PRPF31: variants seen among roughly 807,000 people sequenced by gnomAD.
The protein encoded by PRPF31 is pre-mRNA processing factor 31.
In PRPF31, 12 loss-of-function variants were observed where a neutral mutation model predicts 60.4. The observed-to-expected ratio is 0.20, with a 90% CI of 0.13 to 0.32. The LOEUF (loss-of-function observed/expected upper bound fraction) is 0.32. Among genes scored for constraint, PRPF31 ranks in the 10% least tolerant of loss-of-function variants. PRPF31 has a pLI of 1.00. For synonymous variants in PRPF31, 287 were observed against 287.9 expected (o/e 1.00, Z 0.03); for missense variants, 431 against 687.1 (o/e 0.63, Z 4.17).
chr19:54,127,382 C>G (rs254271), intron 9 of PRPF31, among the ~76,000 whole-genome samples: 103,169 of 151,984 alleles, frequency 0.68, 35,358 homozygotes, highest in African/African-American at 0.77. Flanking sequence ...TTCATATCTC[C>G]GCCTCTGTTT....
chr19:54,122,997 A>C (rs983212634), intron 5 of PRPF31: 41 of 448,462 alleles, frequency 9.1e-5, no homozygotes, highest in African/African-American at 8.2e-4. Flanking sequence ...AGGTCGGATC[A>C]CGTCCAGCCT....
At chr19:54,116,694 G>C (rs1452172371) in intron 1 of PRPF31, among the ~76,000 whole-genome samples, 3 of 152,232 alleles carry the variant, frequency 2.0e-5, no homozygotes, top group Admixed American at 1.3e-4. Flanking sequence ...CACGCAGAGC[G>C]TGCGGGACAC....
intron 1 of PRPF31, among the ~76,000 whole-genome samples, chr19:54,117,208 A>C (rs2073667572): frequency 6.6e-6 from 1 of 152,204 alleles, no homozygotes; most frequent in African/African-American, 2.4e-5. Context: ...AACCAACTCA[A>C]GTTTCTGCTA....
At chr19:54,125,327 T>C in intron 8 of PRPF31, 1 of 154,276 alleles carries the variant, frequency 6.5e-6, no homozygotes, top group Non-Finnish European at 1.4e-5. Flanking sequence ...AAACCCCATC[T>C]CTACCAAAAA....
intron 1 of PRPF31, among the ~76,000 whole-genome samples, chr19:54,116,385 T>C (rs1252290119): frequency 2.0e-5 from 3 of 152,010 alleles, no homozygotes; most frequent in African/African-American, 7.2e-5. Context: ...TTTGTATTTT[T>C]AGTAGAGACG....
At position 54,121,882 on chromosome 19, in the gene PRPF31, G is replaced by A. The variant is rs373831294; in HGVS notation, c.261G>A (p.Ala87=). The A allele has an allele frequency of 3.6e-5, 58 of 1,612,184 alleles. No individual in the cohort carries two copies. The Middle Eastern group carries it at 2.6e-3, about 73-fold the overall frequency. The change falls in exon 4 of 14, where the codon GCG becomes GCA. Residue 87 remains alanine, a synonymous_variant. Coordinates refer to ENST00000321030, the MANE Select transcript of PRPF31 (RefSeq NM_015629.4). ...CAGTGATGGGACCAGTGGAGGCCGCGCCTGAATACCGCGTCATCGTGGATG... is the reference window on the plus strand; with the variant it reads ...CAGTGATGGGACCAGTGGAGGCCGCACCTGAATACCGCGTCATCGTGGATG... The part of the protein sequence containing the change: ...ASEVMGPVEA[A]PEYRVIVDAN...
chr19:54,127,775 A>G (rs371578955), intron 9 of PRPF31, among the ~76,000 whole-genome samples: 97 of 152,172 alleles, frequency 6.4e-4, no homozygotes, highest in African/African-American at 2.1e-3. Flanking sequence ...CCCTCTCCCC[A>G]TCTCACCCCT....
chr19:54,122,467 C>G (rs35315983), intron 4 of PRPF31, 30 bp from the exon 5 acceptor site: 12 of 1,543,800 alleles, frequency 7.8e-6, no homozygotes, highest in Admixed American at 6.7e-5. Flanking sequence ...TTCCATCTCA[C>G]CCGACAACCT....
At chr19:54,128,502 TCC>T (rs35858995) in intron 11 of PRPF31, 125 bp downstream of exon 11, 10 of 814,414 alleles carry the variant, frequency 1.2e-5, no homozygotes, top group Non-Finnish European at 1.9e-5. Context: ...TGCCCCAGCC[TCC>T]CCCCCCCCGG....
Position 54,128,302 on chromosome 19 carries a change from C to T in PRPF31, c.1074-3C>T. The T allele has an allele frequency of 6.5e-7, 1 of 1,548,238 alleles. No homozygotes were observed. The highest frequency in any genetic ancestry group is 2.4e-5 in the East Asian group (1 of 41,194). On this transcript the variant is annotated splice_region_variant and splice_polypyrimidine_tract_variant and intron_variant, in intron 10 of 13. Coordinates refer to ENST00000321030, the MANE Select transcript of PRPF31 (RefSeq NM_015629.4). ...CTGGCGCCGCCCACCCACCCGTCCC[C>T]AGGTACCGCAAGATGAAGGAGCGGC...
At chr19:54,124,353 G>C in intron 7 of PRPF31, 146 bp from the exon 8 acceptor site, 1 of 832,578 alleles carries the variant, frequency 1.2e-6, no homozygotes, top group Non-Finnish European at 2.0e-6. Context: ...GGGCCAGGTC[G>C]CCCGCCTGGC....
At position 54,122,486 on chromosome 19, in the gene PRPF31, G is replaced by T; in HGVS notation, c.323-11G>T. Reference sequence around the variant, plus strand: ...ATCTCACCCGACAACCTCCTGTCCCGTTTACCCTAGACATCATCCATAAGT... The same window carrying T: ...ATCTCACCCGACAACCTCCTGTCCCTTTTACCCTAGACATCATCCATAAGT... On this transcript the variant is annotated splice_polypyrimidine_tract_variant and intron_variant, in intron 4 of 13. Coordinates refer to ENST00000321030, the MANE Select transcript of PRPF31 (RefSeq NM_015629.4). The T allele has an allele frequency of 1.2e-6, 2 of 1,605,932 alleles. No individual in the cohort carries two copies. The highest frequency in any genetic ancestry group is 1.7e-6 in the Non-Finnish European group (2 of 1,172,584).
intron 6 of PRPF31, 48 bp from the exon 7 acceptor site, chr19:54,123,701 A>G (rs1387538452): frequency 1.3e-6 from 2 of 1,593,470 alleles, no homozygotes; most frequent in African/African-American, 1.3e-5. Context: ...GGCTGGGCAC[A>G]CCAGGCAGGC....
In PRPF31 at chr19:54,129,419, G is replaced by C. The variant is rs587614474; in HGVS notation, c.1374+49G>C. On this transcript the variant is annotated intron_variant, in intron 13 of 13. Coordinates refer to ENST00000321030, the MANE Select transcript of PRPF31 (RefSeq NM_015629.4). ...TCCCCAGCCCTGAGACCTTGGCAAGGCCCCTTGCCCTCTGCCCCTGTGAAG... is the reference window on the plus strand; with the variant it reads ...TCCCCAGCCCTGAGACCTTGGCAAGCCCCCTTGCCCTCTGCCCCTGTGAAG... The C allele has an allele frequency of 1.9e-4, 300 of 1,543,124 alleles. 5 individuals carry two copies. The South Asian group carries it at 3.3e-3, about 17-fold the overall frequency.
At chr19:54,128,889 C>T (rs968465517) in intron 11 of PRPF31, among the ~76,000 whole-genome samples, 168 bp from the exon 12 acceptor site, 9 of 152,214 alleles carry the variant, frequency 5.9e-5, no homozygotes, top group Non-Finnish European at 1.0e-4. Flanking sequence ...GCATCCCCCG[C>T]GTGTGTGGGC....
At chr19:54,128,479 A>G in intron 11 of PRPF31, 102 bp downstream of exon 11, 1 of 1,209,712 alleles carries the variant, frequency 8.3e-7, no homozygotes. Flanking sequence ...GCCCTGGCTC[A>G]TGTCTAGGGC....
In PRPF31 at chr19:54,126,663, G is replaced by A. The variant is rs1218683510; in HGVS notation, c.945+46G>A. ...GGCGGCCGGGCGTCTTTTCCTCTGGGCCTGGGGTGTCTCTGCAGGGAGACC... is the reference window on the plus strand; with the variant it reads ...GGCGGCCGGGCGTCTTTTCCTCTGGACCTGGGGTGTCTCTGCAGGGAGACC... On this transcript the variant is annotated intron_variant, in intron 9 of 13. Coordinates refer to ENST00000321030, the MANE Select transcript of PRPF31 (RefSeq NM_015629.4). 4 of 1,561,364 alleles carry A rather than the reference G, an allele frequency of 2.6e-6. No individual in the cohort carries two copies. The Admixed American group carries it at 7.1e-5, about 28-fold the overall frequency.
In PRPF31 at chr19:54,126,599, C is replaced by G; in HGVS notation, c.927C>G (p.His309Gln). 1.2e-6 allele frequency: 2 copies of G among 1,613,712 alleles called. No individual in the cohort carries two copies. The highest frequency in any genetic ancestry group is 1.7e-6 in the Non-Finnish European group (2 of 1,179,884). ...TGGCAGCCCGTGTGGACAGTTTCCA[C>G]GAGAGCACAGAAGGGAAGGTGAGGA... ...CTLAARVDSF[H>Q]ESTEGKVGYE... Residue 309 changes from histidine (H) to glutamine (Q), a missense_variant, in exon 9 of 14, where the codon CAC becomes CAG. Physicochemically the swap from His to Gln is conservative, Grantham distance 24. Coordinates refer to ENST00000321030, the MANE Select transcript of PRPF31 (RefSeq NM_015629.4).
intron 13 of PRPF31, among the ~76,000 whole-genome samples, chr19:54,130,228 G>A (rs1242941265): frequency 1.4e-5 from 2 of 146,760 alleles, no homozygotes. Context: ...AGGCAGAAAT[G>A]CCAGGCTGGG....
Sources: gnomAD v4.1 joint callset for allele counts (sites outside exome capture counted in the v4.1 genomes callset) on GRCh38, gnomAD v4.1.1 for gene constraint, MANE v1.5 for transcripts, NCBI Gene and HGNC (gene_info 2026-07-23, HGNC 2026-07-21) for gene names.